AK5: variants seen among roughly 807,000 people sequenced by gnomAD.
AK5 encodes the protein adenylate kinase isoenzyme 5.
AK5 carries 27 observed loss-of-function variants against 69.5 expected under a neutral mutation model. That is an observed-to-expected ratio of 0.39 (90% CI 0.29 to 0.54). The LOEUF (loss-of-function observed/expected upper bound fraction) is 0.54, where lower values mean the gene tolerates loss of function less well. Ranked by LOEUF, AK5 falls within the 20% of genes least tolerant of loss-of-function variation. The pLI, the probability that AK5 is intolerant of heterozygous loss-of-function variation, is 0.71. For missense variants in AK5, 531 were observed against 700.4 expected (o/e 0.76, Z 2.73); for synonymous variants, 260 against 244.4 (o/e 1.06, Z -0.60).
chr1:77,458,044 G>A (rs1653603014), intron 8 of AK5, among the ~76,000 whole-genome samples: 1 of 150,280 alleles, frequency 6.7e-6, no homozygotes, highest in Non-Finnish European at 1.5e-5. Context: ...AGAGGCTGCA[G>A]TGAGATATGA....
At chr1:77,324,308 T>TCAC (rs4033034) in intron 5 of AK5, among the ~76,000 whole-genome samples, 119,536 of 150,552 alleles carry the variant, frequency 0.79, 47,386 homozygotes, top group South Asian at 0.9. Context: ...AAAAAAAAGT[T>TCAC]CACCATTTGC....
At chr1:77,504,838 ACAT>A (rs1656937314) in intron 10 of AK5, among the ~76,000 whole-genome samples, 1 of 152,232 alleles carries the variant, frequency 6.6e-6, no homozygotes, top group Non-Finnish European at 1.5e-5. Context: ...TTCTTTCAGC[ACAT>A]CATTTTAATG....
chr1:77,429,722 G>A (rs1482509732), intron 8 of AK5, among the ~76,000 whole-genome samples: 1 of 152,190 alleles, frequency 6.6e-6, no homozygotes, highest in Non-Finnish European at 1.5e-5. Context: ...GCCTCCAAAA[G>A]TGCTGGGATT....
intron 10 of AK5, among the ~76,000 whole-genome samples, chr1:77,499,843 A>C (rs959824211): frequency 3.7e-5 from 5 of 136,208 alleles, no homozygotes; most frequent in African/African-American, 5.5e-5. Flanking sequence ...TAAATCTCCT[A>C]GATGACAGAG....
chr1:77,411,509 C>G (rs1188267906), intron 7 of AK5, among the ~76,000 whole-genome samples: 1 of 152,174 alleles, frequency 6.6e-6, no homozygotes, highest in Non-Finnish European at 1.5e-5. Flanking sequence ...GACCCTACCT[C>G]TTCTCTTCCT....
chr1:77,364,625 T>C (rs1646920117), intron 6 of AK5, among the ~76,000 whole-genome samples: 1 of 152,224 alleles, frequency 6.6e-6, no homozygotes, highest in Admixed American at 6.5e-5. Flanking sequence ...ATGTAGTGTT[T>C]AATTTTCTGT....
At chr1:77,336,840 C>G (rs1661388724) in intron 5 of AK5, among the ~76,000 whole-genome samples, 1 of 152,152 alleles carries the variant, frequency 6.6e-6, no homozygotes, top group Non-Finnish European at 1.5e-5. Context: ...GCTGGATATG[C>G]TATTCCAGGG....
intron 10 of AK5, among the ~76,000 whole-genome samples, chr1:77,501,592 A>G (rs779142797): frequency 1.3e-5 from 2 of 152,228 alleles, no homozygotes; most frequent in Non-Finnish European, 2.9e-5. Flanking sequence ...TAGAAAAGAC[A>G]CAGTAAAAAT....
rs573850096 is a variant in AK5, at chr1:77,340,681, G to T, written c.891+113G>T. ...TACCTTAAAAAGTGGCTTTTGGGGG[G>T]TACAGAACCAATGGAAAAAAATGTA... On this transcript the variant is annotated intron_variant, in intron 6 of 13. Coordinates refer to ENST00000354567, the MANE Select transcript of AK5 (RefSeq NM_174858.3). The T allele has an allele frequency of 1.2e-5, 10 of 836,056 alleles. No individual in the cohort carries two copies. The East Asian group carries it at 2.5e-4, about 21-fold the overall frequency. 51.8% of individuals were successfully genotyped at this position (836,056 alleles called of 1,614,324 possible). A position where few individuals can be genotyped will look rare whatever the true frequency, so the allele number is the denominator to read the frequency against.
intron 13 of AK5, among the ~76,000 whole-genome samples, chr1:77,548,941 A>G (rs1379515327): frequency 2.2e-5 from 2 of 92,508 alleles, no homozygotes; most frequent in Non-Finnish European, 4.1e-5. Context: ...TCATTCTGTC[A>G]CTCTGCTCAC....
chr1:77,536,086 T>TA (rs762781995), intron 13 of AK5, 48 bp downstream of exon 13: 88 of 1,535,324 alleles, frequency 5.7e-5, no homozygotes, highest in Admixed American at 1.8e-4. Flanking sequence ...TACCTTTTTT[T>TA]TTTTTTTCCA....
chr1:77,488,115 CAA>C (rs1402548717), intron 10 of AK5, among the ~76,000 whole-genome samples: 3 of 152,120 alleles, frequency 2.0e-5, no homozygotes, highest in Non-Finnish European at 4.4e-5. Flanking sequence ...TGAGAGGAGG[CAA>C]AGAGAACAGT....
chr1:77,367,920 GAT>G (rs1202798782), intron 6 of AK5, among the ~76,000 whole-genome samples: 16 of 14,160 alleles, frequency 1.1e-3, no homozygotes, highest in African/African-American at 3.2e-3. Flanking sequence ...AAATATATGT[GAT>G]ATATATTATA....
intron 5 of AK5, among the ~76,000 whole-genome samples, chr1:77,309,301 T>C (rs1209454067): frequency 6.6e-6 from 1 of 151,998 alleles, no homozygotes; most frequent in Non-Finnish European, 1.5e-5. Context: ...AGCAAATCTA[T>C]AAACACACAC....
At chr1:77,440,426 TA>T (rs2100634193) in intron 8 of AK5, among the ~76,000 whole-genome samples, 1 of 152,204 alleles carries the variant, frequency 6.6e-6, no homozygotes, top group East Asian at 1.9e-4. Context: ...TGATTTTTGA[TA>T]ATTTGACTAT....
chr1:77,352,548 A>G (rs1317212319), intron 6 of AK5, among the ~76,000 whole-genome samples: 1 of 152,218 alleles, frequency 6.6e-6, no homozygotes, highest in Non-Finnish European at 1.5e-5. Flanking sequence ...CAGCCAGAAA[A>G]TATATTGATA....
chr1:77,528,191 A>G (rs1243747418), intron 12 of AK5, among the ~76,000 whole-genome samples: 1 of 152,234 alleles, frequency 6.6e-6, no homozygotes, highest in Admixed American at 6.5e-5. Context: ...CAAGCAAGAA[A>G]TTCATTTGAA....
intron 3 of AK5, among the ~76,000 whole-genome samples, chr1:77,294,804 G>T (rs1363519461): frequency 6.6e-6 from 1 of 152,078 alleles, no homozygotes; most frequent in Non-Finnish European, 1.5e-5. Context: ...AAGGAGGGAG[G>T]ATCACTTGAG....
chr1:77,288,623 A>G (rs534896594), intron 2 of AK5, among the ~76,000 whole-genome samples: 1 of 152,128 alleles, frequency 6.6e-6, no homozygotes, highest in Non-Finnish European at 1.5e-5. Context: ...ATCTCTAAAG[A>G]AAAGAGTCCT....
Sources: gnomAD v4.1 joint callset for allele counts (sites outside exome capture counted in the v4.1 genomes callset) on GRCh38, gnomAD v4.1.1 for gene constraint, MANE v1.5 for transcripts, NCBI Gene and HGNC (gene_info 2026-07-23, HGNC 2026-07-21) for gene names.